Variants in AGAP1 observed in about 807,000 individuals in gnomAD.
The protein encoded by AGAP1 is arf-GAP with GTPase, ANK repeat and PH domain-containing protein 1.
AGAP1 carries 29 observed loss-of-function variants against 105.3 expected under a neutral mutation model. The observed-to-expected ratio is 0.28, with a 90% confidence interval of 0.21 to 0.38. The LOEUF (loss-of-function observed/expected upper bound fraction) is 0.38, where lower values mean the gene tolerates loss of function less well. Among genes scored for constraint, AGAP1 ranks in the 10% least tolerant of loss-of-function variants. The pLI, the probability that AGAP1 is intolerant of heterozygous loss-of-function variation, is 1.00. For synonymous variants in AGAP1, 509 were observed against 485.9 expected, an observed-to-expected ratio of 1.05 and a Z score of -0.63; for missense variants, 998 against 1,165.1, an observed-to-expected ratio of 0.86 and a Z score of 2.09.
intron 1 of AGAP1, among the ~76,000 whole-genome samples, chr2:235,497,809 T>G (rs886465402): frequency 5.3e-5 from 8 of 152,130 alleles, no homozygotes; most frequent in Non-Finnish European, 7.3e-5. Context: ...TGTTAGCCGG[T>G]ATGGTCTCCG....
intron 6 of AGAP1, among the ~76,000 whole-genome samples, chr2:235,770,291 C>A (rs540960135): frequency 6.6e-6 from 1 of 151,780 alleles, no homozygotes; most frequent in Non-Finnish European, 1.5e-5. Context: ...CGCCACCCCA[C>A]GCCTGGCTAA....
intron 6 of AGAP1, among the ~76,000 whole-genome samples, chr2:235,778,164 C>G (rs371522766): frequency 6.6e-6 from 1 of 152,160 alleles, no homozygotes; most frequent in Admixed American, 6.5e-5. Flanking sequence ...CTGGGCCACT[C>G]TGACTCCCCT....
intron 9 of AGAP1, among the ~76,000 whole-genome samples, chr2:235,816,290 T>A (rs1958447636): frequency 6.6e-6 from 1 of 151,656 alleles, no homozygotes; most frequent in Non-Finnish European, 1.5e-5. Context: ...TACAAAAAAT[T>A]AGCCAGGCGT....
chr2:235,702,454 G>A (rs1950300434), intron 1 of AGAP1, among the ~76,000 whole-genome samples: 1 of 152,154 alleles, frequency 6.6e-6, no homozygotes. Context: ...CTGGGAAGGT[G>A]GGGCTTCCTC....
chr2:235,581,544 T>C (rs1247578701), intron 1 of AGAP1, among the ~76,000 whole-genome samples: 1 of 151,784 alleles, frequency 6.6e-6, no homozygotes, highest in African/African-American at 2.4e-5. Context: ...CAGTGGCTCA[T>C]GCCTGTAATC....
rs903007547 is a variant in AGAP1, at chr2:235,610,220, T to G, written c.164-98959T>G. Among the ~76,000 whole-genome samples, 1 of 152,186 alleles carries G rather than the reference T, an allele frequency of 6.6e-6. No individual in the cohort carries two copies. The highest frequency in any genetic ancestry group is 1.5e-5 in the Non-Finnish European group (1 of 68,024). ...GTCATCCTGTGTGCCTGCTTGAGTC[T>G]GCACCGAACATGGCTCTAGCTTCTT... On this transcript the variant is annotated intron_variant, in intron 1 of 17. Coordinates refer to ENST00000304032, the MANE Select transcript of AGAP1 (RefSeq NM_001037131.3). The surrounding 1 kb of genome is among the most constrained non-coding windows in gnomAD (Gnocchi z 4.9).
chr2:235,592,145 A>T (rs1017584849), intron 1 of AGAP1, among the ~76,000 whole-genome samples: 1 of 152,230 alleles, frequency 6.6e-6, no homozygotes, highest in Non-Finnish European at 1.5e-5. Context: ...CCCTGTGGCC[A>T]GGAAGACCTG....
At chr2:235,785,966 TGAG>T (rs759727158) in intron 6 of AGAP1, among the ~76,000 whole-genome samples, 13 of 152,196 alleles carry the variant, frequency 8.5e-5, no homozygotes, top group South Asian at 2.1e-4. Context: ...GGAAGAGTGT[TGAG>T]GAGCCTCACG....
intron 1 of AGAP1, among the ~76,000 whole-genome samples, chr2:235,627,957 C>T (rs1420604789): frequency 6.6e-6 from 1 of 152,012 alleles, no homozygotes; most frequent in African/African-American, 2.4e-5. Flanking sequence ...GGAAATGGTG[C>T]GTTTGGTGGA....
At chr2:235,522,051 A>C (rs1942643956) in intron 1 of AGAP1, among the ~76,000 whole-genome samples, 1 of 152,172 alleles carries the variant, frequency 6.6e-6, no homozygotes, top group South Asian at 2.1e-4. Flanking sequence ...GGATGTAATC[A>C]GGATGTGCAG....
intron 13 of AGAP1, among the ~76,000 whole-genome samples, chr2:235,998,911 C>T (rs889131470): frequency 6.6e-5 from 9 of 137,256 alleles, no homozygotes; most frequent in South Asian, 2.5e-4. Flanking sequence ...ACGGCAATGA[C>T]GATGATAGTA....
chr2:235,527,861 T>A (rs918094437), intron 1 of AGAP1, among the ~76,000 whole-genome samples: 2 of 152,202 alleles, frequency 1.3e-5, no homozygotes, highest in African/African-American at 4.8e-5. Context: ...GAGGCTCCTG[T>A]GTATAAAGGT....
rs2060016752 is a variant in AGAP1, at chr2:236,127,172, A to G, written c.*3050A>G. 6.6e-6 allele frequency: 1 copy of G among 152,016 alleles called. No individual in the cohort carries two copies. Among genetic ancestry groups the G allele is most frequent in the Non-Finnish European group, 1.5e-5 (1 of 68,050 alleles). The allele number at this position is 152,016 out of a possible 1,614,324, so 9.4% of individuals were successfully genotyped here. ...TTCGCGGAGACTGAACTTGGCGGGG[A>G]GTGGAGGGGTGTGGTGCAGACCTGG... On this transcript the variant is annotated 3_prime_UTR_variant, in exon 18 of 18. Coordinates refer to ENST00000304032, the MANE Select transcript of AGAP1 (RefSeq NM_001037131.3). The surrounding 1 kb of genome is among the most constrained non-coding windows in gnomAD (Gnocchi z 6.6).
chr2:235,805,870 G>A (rs991894462), intron 8 of AGAP1, among the ~76,000 whole-genome samples: 30 of 152,200 alleles, frequency 2.0e-4, no homozygotes, highest in Non-Finnish European at 4.4e-4. Flanking sequence ...GGAAACAAGT[G>A]CACAGTGCTT....
At position 236,071,786 on chromosome 2, in the gene AGAP1, C is replaced by T. The variant is rs550132924; in HGVS notation, c.2114+22505C>T. ...GCTCCCCAGTGTTGCTGGGGAGTTTCGCTGCTGCTCAGCCCCTGTTCAGGG... is the reference window on the plus strand; with the variant it reads ...GCTCCCCAGTGTTGCTGGGGAGTTTTGCTGCTGCTCAGCCCCTGTTCAGGG... On this transcript the variant is annotated intron_variant, in intron 16 of 17. Transcript: ENST00000304032. Among the ~76,000 whole-genome samples the T allele has an allele frequency of 4.7e-4, 72 of 152,312 alleles. 2 individuals carry two copies. Among genetic ancestry groups the T allele is most frequent in the Admixed American group, 3.5e-3 (54 of 15,300 alleles).
Position 235,569,221 on chromosome 2 carries a change from A to T in AGAP1, c.163+74372A>T, listed in dbSNP as rs1944441441. 6.6e-6 allele frequency among the ~76,000 whole-genome samples: 1 copy of T among 152,190 alleles called. No homozygotes were observed. Reference sequence around the variant, plus strand: ...TCCCAGCTACTTGGGAGGCTGAGGCAGGAGAATCGCTTGAACCCAGGAGGC... The same window carrying T: ...TCCCAGCTACTTGGGAGGCTGAGGCTGGAGAATCGCTTGAACCCAGGAGGC... On this transcript the variant is annotated intron_variant, in intron 1 of 17. Transcript: ENST00000304032. The surrounding 1 kb of genome is among the most constrained non-coding windows in gnomAD (Gnocchi z 5.9).
In AGAP1 at chr2:235,659,511, G is replaced by A. The variant is rs1315657336; in HGVS notation, c.164-49668G>A. On this transcript the variant is annotated intron_variant, in intron 1 of 17. Coordinates refer to ENST00000304032, the MANE Select transcript of AGAP1 (RefSeq NM_001037131.3). The surrounding 1 kb of genome is among the most constrained non-coding windows in gnomAD (Gnocchi z 5.0). ...TCCTTTGGCAGTCAGGGTGCTATAT[G>A]AACACATGTTTTGTGGGTCACTTGC... Among the ~76,000 whole-genome samples the A allele has an allele frequency of 6.6e-6, 1 of 152,162 alleles. No homozygotes were observed. Among genetic ancestry groups the A allele is most frequent in the Non-Finnish European group, 1.5e-5 (1 of 68,038 alleles).
At chr2:235,606,409 A>T (rs1396133571) in intron 1 of AGAP1, among the ~76,000 whole-genome samples, 2 of 152,180 alleles carry the variant, frequency 1.3e-5, no homozygotes, top group African/African-American at 2.4e-5. Flanking sequence ...GGGTTTGGGG[A>T]TGGCAGGAAT....
At chr2:235,794,404 A>G (rs1053245056) in intron 6 of AGAP1, among the ~76,000 whole-genome samples, 1 of 152,226 alleles carries the variant, frequency 6.6e-6, no homozygotes, top group Non-Finnish European at 1.5e-5. Context: ...TGACAGAGTC[A>G]TAGGGAAGTG....
Sources: gnomAD v4.1 joint callset for allele counts (sites outside exome capture counted in the v4.1 genomes callset) on GRCh38, gnomAD v4.1.1 for gene constraint, Gnocchi (gnomAD v3.1) non-coding constraint, MANE v1.5 for transcripts, NCBI Gene and HGNC (gene_info 2026-07-23, HGNC 2026-07-21) for gene names.